NALF1: variants seen among roughly 807,000 people sequenced by gnomAD.
NALF1 encodes family with sequence similarity 155 member A.
In NALF1, 3 loss-of-function variants were observed where a neutral mutation model predicts 48.4. The observed-to-expected ratio is 0.06, with a 90% CI of 0.03 to 0.16. The LOEUF (loss-of-function observed/expected upper bound fraction) is 0.16, where lower values mean the gene tolerates loss of function less well. NALF1 is among the 10% of genes least tolerant of loss of function. The pLI, the probability that NALF1 is intolerant of heterozygous loss-of-function variation, is 1.00. For synonymous variants in NALF1, 262 were observed against 245.7 expected, an observed-to-expected ratio of 1.07 and a Z score of -0.62; for missense variants, 526 against 571.5, an observed-to-expected ratio of 0.92 and a Z score of 0.81.
intron 1 of NALF1, among the ~76,000 whole-genome samples, chr13:107,587,044 G>A (rs988633545): frequency 6.6e-6 from 1 of 151,924 alleles, no homozygotes; most frequent in Non-Finnish European, 1.5e-5. Flanking sequence ...CTTTACTCAC[G>A]AGTATCTGAT....
chr13:107,649,460 T>C (rs2138466244), intron 1 of NALF1, among the ~76,000 whole-genome samples: 1 of 152,324 alleles, frequency 6.6e-6, no homozygotes, highest in South Asian at 2.1e-4. Flanking sequence ...AGTTATATTT[T>C]ATTTTGTTTA....
At chr13:107,298,351 CAA>C (rs1192707023) in intron 1 of NALF1, among the ~76,000 whole-genome samples, 10 of 16,624 alleles carry the variant, frequency 6.0e-4, no homozygotes, top group South Asian at 6.7e-3. Flanking sequence ...GACTCCATCT[CAA>C]AAAAAAAAAA....
intron 1 of NALF1, among the ~76,000 whole-genome samples, chr13:107,692,218 C>A (rs1205378163): frequency 2.0e-5 from 3 of 152,112 alleles, no homozygotes; most frequent in African/African-American, 7.2e-5. Flanking sequence ...AAGCCTAATT[C>A]ATCTCTTTTC....
At chr13:107,661,963 TA>T in intron 1 of NALF1, among the ~76,000 whole-genome samples, 1 of 152,174 alleles carries the variant, frequency 6.6e-6, no homozygotes. Flanking sequence ...TAAAATCTTT[TA>T]AAAAATTGTA....
At chr13:107,764,590 T>A (rs576230125) in intron 1 of NALF1, among the ~76,000 whole-genome samples, 89 of 152,168 alleles carry the variant, frequency 5.8e-4, no homozygotes, top group Admixed American at 1.0e-3. Context: ...ATACTGAATA[T>A]ATCTGACTTT....
intron 1 of NALF1, among the ~76,000 whole-genome samples, chr13:107,351,504 A>T (rs1882871947): frequency 6.6e-6 from 1 of 152,184 alleles, no homozygotes; most frequent in Admixed American, 6.5e-5. Context: ...TGCAGATAAG[A>T]TGCTCCCGGA....
chr13:107,674,814 G>C (rs1881073522), intron 1 of NALF1, among the ~76,000 whole-genome samples: 1 of 152,178 alleles, frequency 6.6e-6, no homozygotes, highest in Non-Finnish European at 1.5e-5. Flanking sequence ...AAAGTCCAGG[G>C]TGGCAAAAGT....
intron 1 of NALF1, among the ~76,000 whole-genome samples, chr13:107,278,002 G>A (rs1161016631): frequency 3.3e-5 from 5 of 152,084 alleles, no homozygotes; most frequent in African/African-American, 7.2e-5. Context: ...AAAAATACTC[G>A]TCAGAAGCCA....
At chr13:107,548,487 T>C (rs1465777513) in intron 1 of NALF1, among the ~76,000 whole-genome samples, 1 of 152,144 alleles carries the variant, frequency 6.6e-6, no homozygotes, top group Non-Finnish European at 1.5e-5. Flanking sequence ...CATCCAGTAA[T>C]GGGATTGCTG....
chr13:107,294,463 T>C (rs780000958), intron 1 of NALF1, among the ~76,000 whole-genome samples: 18 of 152,200 alleles, frequency 1.2e-4, no homozygotes, highest in Non-Finnish European at 2.4e-4. Context: ...AGCTACCTAA[T>C]GATAACTATA....
chr13:107,628,010 G>A (rs1357121472), intron 1 of NALF1, among the ~76,000 whole-genome samples: 6 of 152,012 alleles, frequency 3.9e-5, no homozygotes, highest in African/African-American at 7.2e-5. Context: ...TAAATCATAC[G>A]AGAACACAAT....
intron 1 of NALF1, among the ~76,000 whole-genome samples, chr13:107,749,172 G>A (rs1225849546): frequency 6.6e-6 from 1 of 151,078 alleles, no homozygotes; most frequent in East Asian, 2.0e-4. Flanking sequence ...GTGTCTACGT[G>A]TCTGTGTGTC....
intron 1 of NALF1, among the ~76,000 whole-genome samples, chr13:107,523,168 C>T (rs1434256406): frequency 1.2e-4 from 18 of 152,034 alleles, no homozygotes; most frequent in Admixed American, 1.2e-3. Context: ...TACTGGATAT[C>T]ATAAGGAGGG....
intron 1 of NALF1, among the ~76,000 whole-genome samples, chr13:107,830,200 G>C (rs1363015806): frequency 6.6e-6 from 1 of 152,136 alleles, no homozygotes; most frequent in Non-Finnish European, 1.5e-5. Context: ...TGGAAAGATG[G>C]GGACTTCACA....
chr13:107,738,144 A>G (rs1351544652), intron 1 of NALF1, among the ~76,000 whole-genome samples: 2 of 152,196 alleles, frequency 1.3e-5, no homozygotes. Flanking sequence ...TTAAGTGTTT[A>G]TTTCTAAGAA....
intron 1 of NALF1, among the ~76,000 whole-genome samples, chr13:107,757,402 C>T (rs1877132660): frequency 6.8e-6 from 1 of 146,426 alleles, no homozygotes; most frequent in Non-Finnish European, 1.5e-5. Context: ...GTTAACAACA[C>T]TGGCCCTCAT....
At chr13:107,653,541 C>G (rs1880499308) in intron 1 of NALF1, among the ~76,000 whole-genome samples, 1 of 151,844 alleles carries the variant, frequency 6.6e-6, no homozygotes, top group Non-Finnish European at 1.5e-5. Flanking sequence ...AGCAATGTCA[C>G]TAGCTCTAGT....
intron 1 of NALF1, among the ~76,000 whole-genome samples, chr13:107,273,881 C>T (rs1566471373): frequency 1.3e-5 from 2 of 152,106 alleles, no homozygotes; most frequent in Non-Finnish European, 2.9e-5. Flanking sequence ...TGGATACCCT[C>T]AACCATTTGC....
chr13:107,323,376 T>C (rs1882292243), intron 1 of NALF1, among the ~76,000 whole-genome samples: 1 of 152,224 alleles, frequency 6.6e-6, no homozygotes, highest in Non-Finnish European at 1.5e-5. Context: ...TTAAAATTAT[T>C]GAGAAAATTC....
Sources: allele counts gnomAD v4.1 joint callset (sites outside exome capture counted in the v4.1 genomes callset), GRCh38; gene constraint gnomAD v4.1.1; transcripts MANE v1.5; gene names NCBI Gene and HGNC (gene_info 2026-07-23, HGNC 2026-07-21).